CTNNA2: variants seen among roughly 807,000 people sequenced by gnomAD.
CTNNA2 encodes catenin alpha 2, also known as catenin alpha-2.
A neutral mutation model predicts 101.0 loss-of-function variants in CTNNA2; 42 were observed. The observed-to-expected ratio is 0.42, with a 90% CI of 0.32 to 0.54. CTNNA2 has a LOEUF of 0.54. CTNNA2 is among the 20% of genes least tolerant of loss of function. CTNNA2 has a pLI of 0.14. For missense variants in CTNNA2, 871 were observed against 1,223.1 expected, an observed-to-expected ratio of 0.71 and a Z score of 4.29; for synonymous variants, 450 against 456.4, an observed-to-expected ratio of 0.99 and a Z score of 0.18.
chr2:79,567,180 T>G (rs1319722195), intron 1 of CTNNA2, among the ~76,000 whole-genome samples: 2 of 152,172 alleles, frequency 1.3e-5, no homozygotes, highest in African/African-American at 4.8e-5. Context: ...ACGAGCTTTG[T>G]GATTGCATGA....
chr2:80,340,560 T>G (rs1672134057), intron 7 of CTNNA2, among the ~76,000 whole-genome samples: 1 of 152,210 alleles, frequency 6.6e-6, no homozygotes, highest in Non-Finnish European at 1.5e-5. Flanking sequence ...CAAGGCTAGT[T>G]GAATGTACCA....
chr2:80,448,537 T>A (rs1019577740), intron 9 of CTNNA2, among the ~76,000 whole-genome samples: 1 of 152,200 alleles, frequency 6.6e-6, no homozygotes, highest in African/African-American at 2.4e-5. Flanking sequence ...GTCTCACCCC[T>A]AGAGATGCTC....
chr2:79,933,766 A>T (rs937998171), intron 7 of CTNNA2, among the ~76,000 whole-genome samples: 3 of 152,140 alleles, frequency 2.0e-5, no homozygotes, highest in African/African-American at 7.2e-5. Flanking sequence ...TGGAATTACT[A>T]TTCTTTACAT....
intron 6 of CTNNA2, among the ~76,000 whole-genome samples, chr2:79,905,295 G>A (rs1685344550): frequency 6.6e-6 from 1 of 152,060 alleles, no homozygotes; most frequent in African/African-American, 2.4e-5. Context: ...GATAAAATAA[G>A]AAATGCAGGC....
chr2:80,426,446 C>T (rs1400161213), intron 9 of CTNNA2, among the ~76,000 whole-genome samples: 1 of 152,188 alleles, frequency 6.6e-6, no homozygotes, highest in East Asian at 1.9e-4. Context: ...CCCTTCTCCT[C>T]CCATCTCTAC....
chr2:80,510,326 C>T (rs1688612835), intron 9 of CTNNA2, among the ~76,000 whole-genome samples: 1 of 152,168 alleles, frequency 6.6e-6, no homozygotes, highest in Admixed American at 6.5e-5. Context: ...TCTATGTGCC[C>T]TCTTGCTTCA....
At chr2:79,888,753 A>T (rs1226595360) in intron 6 of CTNNA2, among the ~76,000 whole-genome samples, 1 of 152,172 alleles carries the variant, frequency 6.6e-6, no homozygotes, top group Non-Finnish European at 1.5e-5. Flanking sequence ...TTTTGAGAAT[A>T]TTGACAGATT....
At chr2:79,723,385 G>A (rs1686610638) in intron 2 of CTNNA2, among the ~76,000 whole-genome samples, 1 of 152,194 alleles carries the variant, frequency 6.6e-6, no homozygotes, top group African/African-American at 2.4e-5. Context: ...TGGTATCAGT[G>A]TAGCTATTGG....
chr2:79,847,348 G>C (rs1251445211), intron 3 of CTNNA2, among the ~76,000 whole-genome samples: 2 of 151,842 alleles, frequency 1.3e-5, no homozygotes, highest in African/African-American at 4.8e-5. Context: ...TTCGAGACCA[G>C]CTTGATCTAT....
intron 3 of CTNNA2, among the ~76,000 whole-genome samples, chr2:79,808,493 A>G (rs914807442): frequency 4.6e-5 from 7 of 152,160 alleles, no homozygotes; most frequent in Admixed American, 2.0e-4. Flanking sequence ...CTGAAGCTAG[A>G]GCTATCACCG....
At chr2:79,964,046 T>C (rs767016270) in intron 7 of CTNNA2, among the ~76,000 whole-genome samples, 8 of 151,130 alleles carry the variant, frequency 5.3e-5, no homozygotes, top group Non-Finnish European at 8.8e-5. Flanking sequence ...CTTGGGGTGT[T>C]CCAGTGGTTA....
intron 11 of CTNNA2, among the ~76,000 whole-genome samples, chr2:80,553,282 A>G (rs1031043685): frequency 6.6e-6 from 1 of 152,080 alleles, no homozygotes. Flanking sequence ...TATAAAACTA[A>G]TACTTTGTAC....
intron 7 of CTNNA2, among the ~76,000 whole-genome samples, chr2:79,959,143 C>A (rs6747794): frequency 6.6e-5 from 10 of 150,908 alleles, no homozygotes; most frequent in Non-Finnish European, 1.5e-4. Context: ...GCATCCTTAA[C>A]CTCCTGGGCT....
At chr2:80,347,472 G>A (rs1206794312) in intron 7 of CTNNA2, among the ~76,000 whole-genome samples, 1 of 152,304 alleles carries the variant, frequency 6.6e-6, no homozygotes, top group African/African-American at 2.4e-5. Context: ...CACCAGGGGA[G>A]AGGAGCAGTC....
At chr2:79,297,736 T>C (rs1676015264) in intron 2 of CTNNA2, among the ~76,000 whole-genome samples, 1 of 152,126 alleles carries the variant, frequency 6.6e-6, no homozygotes, top group African/African-American at 2.4e-5. Flanking sequence ...TCAAGACAAA[T>C]TCATTCCTTC....
chr2:79,776,412 A>G (rs1461877206), intron 3 of CTNNA2, among the ~76,000 whole-genome samples: 1 of 152,200 alleles, frequency 6.6e-6, no homozygotes, highest in Non-Finnish European at 1.5e-5. Context: ...AGGGCTTTCT[A>G]AGCTTATATT....
chr2:79,948,259 T>G (rs1223655855), intron 7 of CTNNA2, among the ~76,000 whole-genome samples: 1 of 152,206 alleles, frequency 6.6e-6, no homozygotes, highest in African/African-American at 2.4e-5. Flanking sequence ...TCACAGTACA[T>G]CCATGGTTGC....
intron 7 of CTNNA2, among the ~76,000 whole-genome samples, chr2:80,223,194 G>A (rs1708674595): frequency 6.6e-6 from 1 of 152,210 alleles, no homozygotes; most frequent in South Asian, 2.1e-4. Context: ...GGATGTAACA[G>A]AGGCTTTCTT....
intron 7 of CTNNA2, among the ~76,000 whole-genome samples, chr2:80,102,958 A>G (rs2148845846): frequency 6.6e-6 from 1 of 152,282 alleles, no homozygotes; most frequent in Non-Finnish European, 1.5e-5. Context: ...ATGTGACGTG[A>G]GTTCTATTCC....
Sources: allele counts gnomAD v4.1 joint callset (sites outside exome capture counted in the v4.1 genomes callset), GRCh38; gene constraint gnomAD v4.1.1; transcripts MANE v1.5; gene names NCBI Gene and HGNC (gene_info 2026-07-23, HGNC 2026-07-21).